The following RBM20 variants were observed in gnomAD, a reference collection of about 807,000 sequenced individuals.
RBM20 encodes RNA-binding protein 20.
A neutral mutation model predicts 110.1 loss-of-function variants in RBM20; 51 were observed. The ratio of observed to expected loss-of-function variants is 0.46; its 90% CI spans 0.37 to 0.59. RBM20 has a LOEUF of 0.59. Ranked by LOEUF, RBM20 falls within the 20% of genes least tolerant of loss-of-function variation. The pLI, the probability that RBM20 is intolerant of heterozygous loss-of-function variation, is 0.00. For missense variants in RBM20, 1,512 were observed against 1,574.9 expected, an observed-to-expected ratio of 0.96 and a Z score of 0.68; for synonymous variants, 589 against 618.2, an observed-to-expected ratio of 0.95 and a Z score of 0.70.
intron 1 of RBM20, among the ~76,000 whole-genome samples, chr10:110,735,474 C>A (rs1478846196): frequency 2.0e-5 from 3 of 152,100 alleles, no homozygotes; most frequent in African/African-American, 7.2e-5. Flanking sequence ...CGCTTTTGTC[C>A]TGATTGAATA....
intron 2 of RBM20, among the ~76,000 whole-genome samples, chr10:110,782,460 C>T (rs1564844638): frequency 6.6e-6 from 1 of 151,976 alleles, no homozygotes; most frequent in African/African-American, 2.4e-5. Context: ...AGTATAATGT[C>T]CCCCCAAAAA....
At chr10:110,814,856 C>G (rs150936304) in intron 9 of RBM20, among the ~76,000 whole-genome samples, 1 of 152,148 alleles carries the variant, frequency 6.6e-6, no homozygotes, top group Admixed American at 6.5e-5. Context: ...TTTGAAGAAC[C>G]TGGAGATAAT....
intron 2 of RBM20, among the ~76,000 whole-genome samples, chr10:110,782,984 C>G (rs1157782261): frequency 6.6e-6 from 1 of 151,218 alleles, no homozygotes. Flanking sequence ...GTGAGTCTAC[C>G]TGCCAGATTC....
At chr10:110,651,826 C>T (rs370741860) in intron 1 of RBM20, among the ~76,000 whole-genome samples, 1 of 152,126 alleles carries the variant, frequency 6.6e-6, no homozygotes, top group Non-Finnish European at 1.5e-5. Flanking sequence ...ATCAGGAGAC[C>T]GAGTGTTTCC....
chr10:110,803,116 G>A (rs1844651193), intron 7 of RBM20, among the ~76,000 whole-genome samples: 1 of 152,152 alleles, frequency 6.6e-6, no homozygotes, highest in African/African-American at 2.4e-5. Flanking sequence ...CCGGTACTCT[G>A]GGGCAAAGAA....
rs138491854 is a variant in RBM20 at position 110,760,809 on chromosome 10, G to C, written c.192-19992G>C. ...AGGTATGTTTATTAAAGAAAAATTA[G>C]TTGGCCAGGTGCAGTGGCTCAGGCC... On this transcript the variant is annotated intron_variant, in intron 1 of 13. Transcript: ENST00000369519. Among the ~76,000 whole-genome samples, 764 of 150,474 alleles carry C rather than the reference G, an allele frequency of 5.1e-3. 8 individuals are homozygous for C. Among genetic ancestry groups the C allele is most frequent in the African/African-American group, 0.018 (722 of 41,148 alleles).
chr10:110,806,811 T>A (rs1348193916), intron 7 of RBM20, among the ~76,000 whole-genome samples: 1 of 152,232 alleles, frequency 6.6e-6, no homozygotes, highest in Non-Finnish European at 1.5e-5. Context: ...CCATTTCAAT[T>A]TTTCTGGGGT....
intron 6 of RBM20, among the ~76,000 whole-genome samples, chr10:110,798,553 G>A (rs999660306): frequency 4.6e-5 from 7 of 152,212 alleles, no homozygotes; most frequent in Non-Finnish European, 1.0e-4. Context: ...GAGAGCTAGA[G>A]GTGCTAAAGT....
At chr10:110,760,895 C>G (rs1451666593) in intron 1 of RBM20, among the ~76,000 whole-genome samples, 1 of 150,430 alleles carries the variant, frequency 6.6e-6, no homozygotes, top group Non-Finnish European at 1.5e-5. Context: ...AGTTTGAGAC[C>G]AGCCTGGACA....
intron 1 of RBM20, among the ~76,000 whole-genome samples, chr10:110,708,744 AT>A (rs1221389047): frequency 1.3e-5 from 2 of 152,218 alleles, no homozygotes; most frequent in Non-Finnish European, 2.9e-5. Flanking sequence ...ACAATAAAGA[AT>A]TTTTTGAAAG....
intron 1 of RBM20, among the ~76,000 whole-genome samples, chr10:110,719,305 C>T (rs1283095984): frequency 1.3e-5 from 2 of 152,216 alleles, no homozygotes; most frequent in Non-Finnish European, 2.9e-5. Flanking sequence ...CTGTTCATTC[C>T]TCTGAACACT....
rs79765869 is a variant in RBM20, at chr10:110,769,481, A to G, written c.192-11320A>G. Among the ~76,000 whole-genome samples the G allele has an allele frequency of 2.5e-3, 387 of 152,206 alleles. 4 individuals carry two copies. The highest frequency in any genetic ancestry group is 8.7e-3 in the African/African-American group (362 of 41,526). On this transcript the variant is annotated intron_variant, in intron 1 of 13. Coordinates refer to ENST00000369519, the MANE Select transcript of RBM20 (RefSeq NM_001134363.3). ...TGCCAAGCCAGTCACTCAACCATCT[A>G]TGTTACCTAAGGTTCCCTGAACCTT...
chr10:110,798,881 C>G (rs747804415), intron 6 of RBM20, among the ~76,000 whole-genome samples: 1 of 152,080 alleles, frequency 6.6e-6, no homozygotes, highest in African/African-American at 2.4e-5. Flanking sequence ...ATCCAAAAAA[C>G]AATAGCAGCA....
intron 1 of RBM20, among the ~76,000 whole-genome samples, chr10:110,713,493 TCTC>T (rs1564822922): frequency 6.6e-6 from 1 of 152,144 alleles, no homozygotes; most frequent in Non-Finnish European, 1.5e-5. Flanking sequence ...AGGCCCTAAA[TCTC>T]CTGTGTCCCT....
chr10:110,673,578 C>T (rs116462413), intron 1 of RBM20, among the ~76,000 whole-genome samples: 2,978 of 152,276 alleles, frequency 0.02, 87 homozygotes, highest in African/African-American at 0.064. Context: ...TGTTTATTTC[C>T]GGCCAGCCTC....
At chr10:110,696,926 T>A (rs1862672810) in intron 1 of RBM20, among the ~76,000 whole-genome samples, 1 of 152,118 alleles carries the variant, frequency 6.6e-6, no homozygotes, top group African/African-American at 2.4e-5. Context: ...GACTGGAGAT[T>A]TCCAGCCTCC....
In RBM20 at chr10:110,754,783, C is replaced by T. The variant is rs147162452; in HGVS notation, c.192-26018C>T. Among the ~76,000 whole-genome samples the T allele has an allele frequency of 1.7e-3, 263 of 152,292 alleles. 1 individual carries two copies. The highest frequency in any genetic ancestry group is 5.8e-3 in the African/African-American group (240 of 41,550). On this transcript the variant is annotated intron_variant, in intron 1 of 13. Transcript: ENST00000369519. ...CATGTGGTTAGCAAATATAAACTTA[C>T]TGAGTTTGCATCTGAAGTGTGTCCA...
chr10:110,766,634 G>T (rs1319033439), intron 1 of RBM20, among the ~76,000 whole-genome samples: 4 of 151,206 alleles, frequency 2.6e-5, no homozygotes, highest in Non-Finnish European at 5.9e-5. Context: ...GAGGGCACAG[G>T]GTTGGGGGTA....
intron 1 of RBM20, among the ~76,000 whole-genome samples, chr10:110,700,326 A>ATT (rs1291779322): frequency 6.6e-6 from 1 of 152,156 alleles, no homozygotes; most frequent in East Asian, 1.9e-4. Flanking sequence ...AGATAATAGG[A>ATT]TACAGAGACC....
Sources: allele counts gnomAD v4.1 joint callset (sites outside exome capture counted in the v4.1 genomes callset), GRCh38; gene constraint gnomAD v4.1.1; transcripts MANE v1.5; gene names NCBI Gene and HGNC (gene_info 2026-07-23, HGNC 2026-07-21).